The following SMARCA2 variants were observed in gnomAD, a reference collection of about 807,000 sequenced individuals.
The protein encoded by SMARCA2 is SWI/SNF-related matrix-associated actin-dependent regulator of chromatin subfamily A member 2.
Under a neutral mutation model 199.8 loss-of-function variants are expected in SMARCA2, and 61 were observed. The observed-to-expected ratio is 0.31, with a 90% CI of 0.25 to 0.38. The LOEUF is 0.38. Ranked by LOEUF, SMARCA2 falls within the 10% of genes least tolerant of loss-of-function variation. SMARCA2 has a pLI of 1.00. For missense variants in SMARCA2, 1,344 were observed against 2,012.2 expected, an observed-to-expected ratio of 0.67 and a Z score of 6.35; for synonymous variants, 935 against 732.0, an observed-to-expected ratio of 1.28 and a Z score of -4.48.
chr9:2,111,434 G>C (rs1225586275), intron 24 of SMARCA2, among the ~76,000 whole-genome samples: 1 of 148,802 alleles, frequency 6.7e-6, no homozygotes, highest in African/African-American at 2.5e-5. Context: ...AGAGGCTATA[G>C]TGAGCCATGA....
At chr9:2,083,186 A>G (rs1425210284) in intron 15 of SMARCA2, among the ~76,000 whole-genome samples, 161 bp from the exon 16 acceptor site, 1 of 152,122 alleles carries the variant, frequency 6.6e-6, no homozygotes, top group Non-Finnish European at 1.5e-5. Context: ...TTTTGAACTT[A>G]TCTCCTATTT....
chr9:2,074,167 C>T (rs953963116), intron 12 of SMARCA2, among the ~76,000 whole-genome samples: 3 of 151,914 alleles, frequency 2.0e-5, no homozygotes, highest in Non-Finnish European at 4.4e-5. Context: ...CAAAGAGAAG[C>T]GCTCAGTCTC....
chr9:2,102,884 T>C (rs1822586772), intron 22 of SMARCA2, among the ~76,000 whole-genome samples: 1 of 151,990 alleles, frequency 6.6e-6, no homozygotes. Context: ...AAAGAGTCTG[T>C]TCCTAGTCCC....
chr9:2,050,625 A>ATTT (rs34545845), intron 5 of SMARCA2, among the ~76,000 whole-genome samples: 10 of 143,644 alleles, frequency 7.0e-5, no homozygotes, highest in African/African-American at 2.5e-4. Flanking sequence ...CTTACCTGTG[A>ATTT]TTTTTTTTTT....
chr9:2,116,439 C>T (rs1401666417), intron 25 of SMARCA2, among the ~76,000 whole-genome samples: 2 of 152,148 alleles, frequency 1.3e-5, no homozygotes, highest in East Asian at 3.8e-4. Context: ...CCTCCAGAGC[C>T]CTCTCTCTCT....
intron 27 of SMARCA2, among the ~76,000 whole-genome samples, chr9:2,150,680 C>T (rs1018747760): frequency 1.3e-5 from 2 of 151,502 alleles, no homozygotes; most frequent in Non-Finnish European, 3.0e-5. Flanking sequence ...TTTTAGTTAC[C>T]CTATGTAATA....
chr9:2,193,140 G>T lies in SMARCA2; in HGVS notation c.*401G>T, dbSNP rs1828008536. The T allele has an allele frequency of 6.1e-6, 1 of 165,164 alleles. No homozygotes were observed. Among genetic ancestry groups the T allele is most frequent in the Non-Finnish European group, 1.3e-5 (1 of 76,716 alleles). The allele number at this position is 165,164 out of a possible 1,614,324, so 10.2% of individuals were successfully genotyped here. On this transcript the variant is annotated 3_prime_UTR_variant, in exon 34 of 34. Transcript: ENST00000349721. ...CCAGGAGAAGCCATTAAAAGCCACTGGTTATTTTATTTTTCATCAGGCAAT... is the reference window on the plus strand; with the variant it reads ...CCAGGAGAAGCCATTAAAAGCCACTTGTTATTTTATTTTTCATCAGGCAAT...
chr9:2,137,755 C>T (rs772386040), intron 27 of SMARCA2, among the ~76,000 whole-genome samples: 8 of 151,834 alleles, frequency 5.3e-5, no homozygotes, highest in South Asian at 2.1e-4. Flanking sequence ...GGACTTTATG[C>T]GTGGTAAGCA....
intron 8 of SMARCA2, 80 bp downstream of exon 8, chr9:2,058,544 T>A: frequency 1.6e-6 from 2 of 1,215,906 alleles, no homozygotes; most frequent in Non-Finnish European, 2.3e-6. Flanking sequence ...ATGGTGGTAG[T>A]AGAAGGAAAA....
intron 31 of SMARCA2, among the ~76,000 whole-genome samples, chr9:2,183,246 C>A (rs1827186461): frequency 6.6e-6 from 1 of 152,136 alleles, no homozygotes; most frequent in Non-Finnish European, 1.5e-5. Flanking sequence ...GGAGCTGAAA[C>A]TACTAGAATT....
chr9:2,120,774 G>C (rs968259360), intron 26 of SMARCA2, among the ~76,000 whole-genome samples: 1 of 152,002 alleles, frequency 6.6e-6, no homozygotes, highest in South Asian at 2.1e-4. Context: ...TTCTCCCTCC[G>C]TCCCCGAAAT....
At chr9:2,179,622 T>C (rs990620810) in intron 29 of SMARCA2, among the ~76,000 whole-genome samples, 6 of 152,162 alleles carry the variant, frequency 3.9e-5, no homozygotes, top group African/African-American at 1.2e-4. Flanking sequence ...CCTTAGAGCT[T>C]TGTTGCACTA....
Position 2,123,851 on chromosome 9 carries a change from G to A in SMARCA2, c.3895G>A (p.Glu1299Lys), listed in dbSNP as rs757237749. Residue 1299 changes from glutamate to lysine, a missense_variant, in exon 27 of 34, where the codon GAG becomes AAG. By Grantham distance (56) the Glu-to-Lys change is moderately conservative. Transcript: ENST00000349721. The surrounding 1 kb of genome is among the most constrained non-coding windows in gnomAD (Gnocchi z 4.1). ...AGTAGAAAGGCTCACCTGTGAAGAA[G>A]AGGAGGAGAAAATATTTGGGAGGGG... ...AEVERLTCEE[E>K]EEKIFGRGSR... 1.2e-6 allele frequency: 2 copies of A among 1,610,534 alleles called. No individual in the cohort carries two copies. The highest frequency in any genetic ancestry group is 1.7e-6 in the Non-Finnish European group (2 of 1,178,598).
intron 7 of SMARCA2, among the ~76,000 whole-genome samples, chr9:2,057,152 A>T (rs1471149720): frequency 6.6e-6 from 1 of 152,248 alleles, no homozygotes; most frequent in Non-Finnish European, 1.5e-5. Flanking sequence ...GATGAGCAAC[A>T]GAAGTTTATT....
chr9:2,035,039 T>C (rs2130218367), intron 3 of SMARCA2, among the ~76,000 whole-genome samples: 1 of 151,098 alleles, frequency 6.6e-6, no homozygotes, highest in Non-Finnish European at 1.5e-5. Flanking sequence ...TTTATTTATT[T>C]ATTTATTTAT....
chr9:2,070,962 C>T (rs1265306781), intron 10 of SMARCA2, among the ~76,000 whole-genome samples: 1 of 152,138 alleles, frequency 6.6e-6, no homozygotes, highest in East Asian at 1.9e-4. Context: ...CAGCCTAGTC[C>T]TAAAATTCAT....
At chr9:2,050,532 A>C (rs1820071848) in intron 5 of SMARCA2, among the ~76,000 whole-genome samples, 1 of 152,172 alleles carries the variant, frequency 6.6e-6, no homozygotes, top group South Asian at 2.1e-4. Context: ...TCTGAATTAT[A>C]TCAGCCCTCT....
chr9:2,132,713 T>G (rs780575403), intron 27 of SMARCA2, among the ~76,000 whole-genome samples: 1 of 152,224 alleles, frequency 6.6e-6, no homozygotes, highest in African/African-American at 2.4e-5. Context: ...AGAAAATAGA[T>G]TTGGGTTTTG....
chr9:2,137,486 C>A (rs188387343), intron 27 of SMARCA2, among the ~76,000 whole-genome samples: 1 of 152,300 alleles, frequency 6.6e-6, no homozygotes, highest in African/African-American at 2.4e-5. Context: ...CTTGGCACTT[C>A]TAGAAGTCTT....
Sources: allele counts gnomAD v4.1 joint callset (sites outside exome capture counted in the v4.1 genomes callset), GRCh38; gene constraint gnomAD v4.1.1; non-coding constraint Gnocchi (gnomAD v3.1); transcripts MANE v1.5; gene names NCBI Gene and HGNC (gene_info 2026-07-23, HGNC 2026-07-21).